Variants in EEF1A2 observed in about 807,000 individuals in gnomAD.
EEF1A2 encodes elongation factor 1-alpha 2.
Under a neutral mutation model 39.3 loss-of-function variants are expected in EEF1A2, and 5 were observed. That is an observed-to-expected ratio of 0.13 (90% confidence interval 0.07 to 0.27). The LOEUF (loss-of-function observed/expected upper bound fraction) is 0.27. Ranked by LOEUF, EEF1A2 falls within the 10% of genes least tolerant of loss-of-function variation. The probability of loss-of-function intolerance (pLI) is 1.00; values close to 1 mark genes in which losing one functional copy is unlikely to be tolerated. For missense variants in EEF1A2, 218 were observed against 681.4 expected (o/e 0.32, Z 7.57); for synonymous variants, 287 against 293.7 (o/e 0.98, Z 0.23).
At chr20:63,490,813 G>T in intron 5 of EEF1A2, 78 bp from the exon 6 acceptor site, 1 of 1,503,370 alleles carries the variant, frequency 6.7e-7, no homozygotes, top group South Asian at 1.2e-5. Context: ...ACAGAGCCTG[G>T]AAACCAACAA....
At chr20:63,494,457 A>G (rs908557961) in intron 4 of EEF1A2, among the ~76,000 whole-genome samples, 7 of 152,212 alleles carry the variant, frequency 4.6e-5, no homozygotes, top group African/African-American at 1.4e-4. Context: ...GGACCAGGAC[A>G]ATGGCCTGGC....
chr20:63,489,162 G>C lies in EEF1A2; in HGVS notation c.1030-10C>G, dbSNP rs571276508. ...GGTTCAGGATGATGACCTGCGAGCG[G>C]AGCCACAGGCGGCCATCAGGCACAT... On this transcript the variant is annotated splice_polypyrimidine_tract_variant and intron_variant, in intron 6 of 7. Transcript: ENST00000217182. The C allele has an allele frequency of 3.7e-6, 6 of 1,609,756 alleles. No homozygotes were observed. The highest frequency in any genetic ancestry group is 1.7e-5 in the Admixed American group (1 of 59,932).
rs1481093353 is a variant in EEF1A2 at position 63,498,962 on chromosome 20, G to A, written c.-72+96C>T. 6.7e-6 allele frequency: 1 copy of A among 149,384 alleles called. No individual in the cohort carries two copies. Among genetic ancestry groups the A allele is most frequent in the East Asian group, 2.0e-4 (1 of 5,116 alleles). The allele number at this position is 149,384 out of a possible 1,614,324, so 9.3% of individuals were successfully genotyped here. ...CCGGGCGCGCGCGGGGGCGGGTGCG[G>A]GGCCCGGCCACCCTCTGCCCCCCAG... is the stretch of plus-strand genomic sequence containing the variant. On this transcript the variant is annotated intron_variant, in intron 1 of 7. Coordinates refer to ENST00000217182, the MANE Select transcript of EEF1A2 (RefSeq NM_001958.5). This position sits in a 1 kb window ranked among gnomAD's most constrained non-coding sequence, Gnocchi z 4.1.
At position 63,498,906 on chromosome 20, in the gene EEF1A2, G is replaced by T. The variant is rs1259249792; in HGVS notation, c.-72+152C>A. 2.0e-5 allele frequency among the ~76,000 whole-genome samples: 3 copies of T among 149,684 alleles called. No individual in the cohort carries two copies. The highest frequency in any genetic ancestry group is 2.0e-4 in the Admixed American group (3 of 15,064). On this transcript the variant is annotated intron_variant, in intron 1 of 7. Transcript: ENST00000217182. The surrounding 1 kb of genome is among the most constrained non-coding windows in gnomAD (Gnocchi z 4.1). ...CCGCCCCCCACCCCGGGCCCAGCCC[G>T]GCCGACGCGGGGACCCCCGGAAGCC...
chr20:63,492,390 G>A (rs1463302362), intron 5 of EEF1A2, among the ~76,000 whole-genome samples: 3 of 129,774 alleles, frequency 2.3e-5, no homozygotes, highest in Non-Finnish European at 4.9e-5. Flanking sequence ...GGATGGGTGG[G>A]TAGATGGATG....
intron 5 of EEF1A2, among the ~76,000 whole-genome samples, chr20:63,492,836 G>A (rs2082396874): frequency 1.6e-5 from 2 of 126,152 alleles, no homozygotes; most frequent in South Asian, 2.6e-4. Flanking sequence ...GACAATGGAT[G>A]GATGGATGGA....
rs188320768 is a variant in EEF1A2 at position 63,490,937 on chromosome 20, G to A, written c.773-202C>T. Reference sequence around the variant, plus strand: ...CACAGAGATTCCAAGGGAAGTGGGGGCTCTCCCACCCAGCTGGGGAAATAA... The same window carrying A: ...CACAGAGATTCCAAGGGAAGTGGGGACTCTCCCACCCAGCTGGGGAAATAA... On this transcript the variant is annotated intron_variant, in intron 5 of 7. Transcript: ENST00000217182. 3.4e-3 allele frequency among the ~76,000 whole-genome samples: 518 copies of A among 152,328 alleles called. 3 individuals carry two copies. Among genetic ancestry groups the A allele is most frequent in the African/African-American group, 0.012 (494 of 41,570 alleles).
At chr20:63,492,811 G>A (rs1313893851) in intron 5 of EEF1A2, among the ~76,000 whole-genome samples, 153 of 13,964 alleles carry the variant, frequency 0.011, 3 homozygotes, top group African/African-American at 0.031. Context: ...GTTCGATAGA[G>A]AGAAGGATGG....
chr20:63,496,185 G>GC lies in EEF1A2; in HGVS notation c.145-151dup. ...TCTCCGTCGGGGTCCTGGGACGCCG[G>GC]CCCCCTCCGTCGGGACCCCACACCC... On this transcript the variant is annotated intron_variant, in intron 2 of 7. Transcript: ENST00000217182. The GC allele has an allele frequency of 3.1e-6, 3 of 954,622 alleles. No homozygotes were observed. In the South Asian group the frequency reaches 5.0e-5, roughly 16 times the overall value. 59.1% of individuals were successfully genotyped at this position (954,622 alleles called of 1,614,324 possible). A position where few individuals can be genotyped will look rare whatever the true frequency, so the allele number is the denominator to read the frequency against.
Position 63,488,284 on chromosome 20 carries a change from C to A in EEF1A2, c.*14G>T. ...GGCACCGCCGGGGAGGGTCGCGCCG[C>A]GGGCGCCCGCGCTTCACTTGCCCGC... is the stretch of plus-strand genomic sequence containing the variant. On this transcript the variant is annotated 3_prime_UTR_variant, in exon 8 of 8. Transcript: ENST00000217182. 1.6e-6 allele frequency: 2 copies of A among 1,239,406 alleles called. No homozygotes were observed. Among genetic ancestry groups the A allele is most frequent in the Non-Finnish European group, 2.1e-6 (2 of 973,334 alleles). 76.8% of individuals were successfully genotyped at this position (1,239,406 alleles called of 1,614,324 possible).
At chr20:63,493,987 C>T (rs1430320439) in intron 4 of EEF1A2, among the ~76,000 whole-genome samples, 1 of 152,232 alleles carries the variant, frequency 6.6e-6, no homozygotes, top group African/African-American at 2.4e-5. Flanking sequence ...ATGAGGAAAA[C>T]GCCATCACAG....
At position 63,498,402 on chromosome 20, in the gene EEF1A2, A is replaced by C. The variant is rs1259921104; in HGVS notation, c.-71-568T>G. 6.6e-6 allele frequency: 1 copy of C among 152,344 alleles called. No homozygotes were observed. Among genetic ancestry groups the C allele is most frequent in the African/African-American group, 2.4e-5 (1 of 41,462 alleles). 9.4% of individuals were successfully genotyped at this position (152,344 alleles called of 1,614,324 possible). A position where few individuals can be genotyped will look rare whatever the true frequency, so the allele number is the denominator to read the frequency against. ...GATGCGCTGCCCAGATTAGGAACCC[A>C]GAATAGCTCTAGGCACCCCCCTCCC... On this transcript the variant is annotated intron_variant, in intron 1 of 7. Transcript: ENST00000217182. The surrounding 1 kb of genome is among the most constrained non-coding windows in gnomAD (Gnocchi z 4.1).
At chr20:63,496,140 G>A (rs2082415521) in intron 2 of EEF1A2, 105 bp from the exon 3 acceptor site, 4 of 1,361,330 alleles carry the variant, frequency 2.9e-6, no homozygotes, top group Non-Finnish European at 1.0e-6. Context: ...GGCGGGAGAT[G>A]GGCTCCAGCA....
intron 4 of EEF1A2, 110 bp from the exon 5 acceptor site, chr20:63,493,397 C>G: frequency 2.3e-6 from 3 of 1,316,182 alleles, no homozygotes; most frequent in East Asian, 2.9e-5. Context: ...AAACTTGCCT[C>G]GTGCCCTTTG....
intron 7 of EEF1A2, 48 bp from the exon 8 acceptor site, chr20:63,488,473 C>T: frequency 7.3e-7 from 1 of 1,363,692 alleles, no homozygotes. Context: ...GACTTGACCC[C>T]CCCCAACCCC....
In EEF1A2 at chr20:63,490,644, C is replaced by T. The variant is rs1159489517; in HGVS notation, c.864G>A (p.Glu288=). ...CGTGGTGCATCTCCACTGACTTCACCTCAGTGGTGATGTTCACTGGCGCAA... is the reference window on the plus strand; with the variant it reads ...CGTGGTGCATCTCCACTGACTTCACTTCAGTGGTGATGTTCACTGGCGCAA... ...VTFAPVNITT[E]VKSVEMHHEA... is the part of the protein sequence containing the mutation. Residue 288 remains glutamate (E), a synonymous_variant, in exon 6 of 8, where the codon GAG becomes GAA. Coordinates refer to ENST00000217182, the MANE Select transcript of EEF1A2 (RefSeq NM_001958.5). 1.2e-6 allele frequency: 2 copies of T among 1,612,476 alleles called. No individual in the cohort carries two copies. The highest frequency in any genetic ancestry group is 4.5e-5 in the East Asian group (2 of 44,896).
At chr20:63,489,575 G>C (rs1275261138) in intron 6 of EEF1A2, among the ~76,000 whole-genome samples, 2 of 152,152 alleles carry the variant, frequency 1.3e-5, no homozygotes, top group African/African-American at 4.8e-5. Context: ...TTGAGGTCAG[G>C]AGTTCGAGAC....
intron 7 of EEF1A2, 151 bp downstream of exon 7, chr20:63,488,767 A>G: frequency 1.1e-6 from 1 of 873,630 alleles, no homozygotes; most frequent in Non-Finnish European, 1.7e-6. Flanking sequence ...AGTGACACGG[A>G]GGCCGTGGCT....
chr20:63,495,433 C>T (rs1450102409), intron 3 of EEF1A2, among the ~76,000 whole-genome samples: 1 of 152,220 alleles, frequency 6.6e-6, no homozygotes, highest in Non-Finnish European at 1.5e-5. Flanking sequence ...GAGGTGGTGG[C>T]ATGTGTCCTG....
Sources: allele counts gnomAD v4.1 joint callset (sites outside exome capture counted in the v4.1 genomes callset), GRCh38; gene constraint gnomAD v4.1.1; non-coding constraint Gnocchi (gnomAD v3.1); transcripts MANE v1.5; gene names NCBI Gene and HGNC (gene_info 2026-07-23, HGNC 2026-07-21).